Variants in LRRC37A observed in about 807,000 individuals in gnomAD.
LRRC37A encodes leucine rich repeat containing 37A.
In LRRC37A, 3 loss-of-function variants were observed where a neutral mutation model predicts 35.4. The observed-to-expected ratio is 0.08, with a 90% CI of 0.04 to 0.22. The LOEUF (loss-of-function observed/expected upper bound fraction) is 0.22. Among genes scored for constraint, LRRC37A ranks in the 10% least tolerant of loss-of-function variants. The pLI, the probability that LRRC37A is intolerant of heterozygous loss-of-function variation, is 1.00. For synonymous variants in LRRC37A, 23 were observed against 215.0 expected (o/e 0.11, Z 7.81); for missense variants, 67 against 565.3 (o/e 0.12, Z 8.94).
chr17:46,278,510 T>C, the LRRC37A span, among the ~76,000 whole-genome samples: 1 of 151,814 alleles, frequency 6.6e-6, no homozygotes, highest in African/African-American at 2.4e-5. Context: ...GTTCAAGCGA[T>C]TTTCCACCTC....
At chr17:46,251,642 A>C in the LRRC37A span, among the ~76,000 whole-genome samples, 1 of 151,248 alleles carries the variant, frequency 6.6e-6, no homozygotes, top group South Asian at 2.1e-4. Flanking sequence ...AAGGTGAAGA[A>C]ATTGCCATAA....
At chr17:46,276,452 TAA>T in the LRRC37A span, among the ~76,000 whole-genome samples, 1 of 152,196 alleles carries the variant, frequency 6.6e-6, no homozygotes, top group African/African-American at 2.4e-5. Flanking sequence ...CAAGGTACAA[TAA>T]AACAGTGACC....
At chr17:46,267,118 G>C in the LRRC37A span, 4 of 459,788 alleles carry the variant, frequency 8.7e-6, no homozygotes, top group Non-Finnish European at 3.7e-6. Flanking sequence ...GGGCGGGCAT[G>C]GACGGGCGAG....
chr17:46,264,962 A>C, the LRRC37A span, among the ~76,000 whole-genome samples: 2 of 152,274 alleles, frequency 1.3e-5, no homozygotes, highest in African/African-American at 4.8e-5. Context: ...TGACTTAAAT[A>C]AAGAGCACGT....
chr17:46,288,647 G>A (rs1248113865), upstream of LRRC37A, among the ~76,000 whole-genome samples: 14 of 151,802 alleles, frequency 9.2e-5, no homozygotes, highest in Non-Finnish European at 1.6e-4. Flanking sequence ...AGGACGACCA[G>A]AGGTCACTTT....
the LRRC37A span, among the ~76,000 whole-genome samples, chr17:46,251,541 A>G: frequency 6.6e-6 from 1 of 151,758 alleles, no homozygotes; most frequent in South Asian, 2.1e-4. Context: ...TACAGGTGTG[A>G]GCCACCTCAC....
chr17:46,257,800 C>T, the LRRC37A span, among the ~76,000 whole-genome samples: 18,849 of 144,120 alleles, frequency 0.13, 131 homozygotes, highest in Middle Eastern at 0.2. Context: ...CCAGCCTAGG[C>T]GACAGAGTGA....
chr17:46,265,668 G>A, the LRRC37A span, among the ~76,000 whole-genome samples: 1 of 151,896 alleles, frequency 6.6e-6, no homozygotes, highest in African/African-American at 2.4e-5. Flanking sequence ...TGTAGAGACA[G>A]GGTCTCTCCA....
the LRRC37A span, among the ~76,000 whole-genome samples, chr17:46,258,273 C>T: frequency 1.1e-4 from 17 of 151,594 alleles, no homozygotes; most frequent in African/African-American, 2.4e-4. Context: ...TGCAGCGGCA[C>T]GATCCCAGCT....
the LRRC37A span, among the ~76,000 whole-genome samples, chr17:46,265,116 GT>G: frequency 0.11 from 15,934 of 144,994 alleles, 15 homozygotes; most frequent in Middle Eastern, 0.18. Flanking sequence ...GGCTGTAGAG[GT>G]TTGCTCTTTT....
At chr17:46,265,029 A>G in the LRRC37A span, among the ~76,000 whole-genome samples, 3 of 152,214 alleles carry the variant, frequency 2.0e-5, no homozygotes, top group African/African-American at 7.2e-5. Context: ...TGAACTTACT[A>G]GTGTTTATAT....
intron 5 of LRRC37A, among the ~76,000 whole-genome samples, chr17:46,317,141 G>A (rs1390738559): frequency 1.5e-3 from 129 of 87,006 alleles, no homozygotes; most frequent in Non-Finnish European, 2.9e-3. Context: ...CCTCCCAGAT[G>A]GGGTGGCGGC....
upstream of LRRC37A, among the ~76,000 whole-genome samples, chr17:46,288,706 C>CTTTTTTCTTT (rs2049986456): frequency 2.9e-5 from 4 of 139,060 alleles, no homozygotes; most frequent in Non-Finnish European, 6.3e-5. Context: ...CTTGTTTTTT[C>CTTTTTTCTTT]TTTTTTTTTT....
chr17:46,254,827 C>G, the LRRC37A span, among the ~76,000 whole-genome samples: 1 of 151,616 alleles, frequency 6.6e-6, no homozygotes, highest in South Asian at 2.1e-4. Context: ...CATAAGCCAC[C>G]GCGCCTGTTT....
the LRRC37A span, chr17:46,268,448 C>T: frequency 2.5e-6 from 3 of 1,216,476 alleles, no homozygotes; most frequent in Non-Finnish European, 3.2e-6. Context: ...CTTATATTTT[C>T]TGTTTCATGG....
At chr17:46,248,872 C>T in the LRRC37A span, among the ~76,000 whole-genome samples, 1 of 151,878 alleles carries the variant, frequency 6.6e-6, no homozygotes, top group African/African-American at 2.4e-5. Context: ...TTGCTGCACC[C>T]ATCACTACAG....
At chr17:46,317,126 G>A (rs1296407755) in intron 5 of LRRC37A, among the ~76,000 whole-genome samples, 1 of 88,626 alleles carries the variant, frequency 1.1e-5, no homozygotes, top group Non-Finnish European at 3.3e-5. Context: ...GAGCTGTTGG[G>A]TACACCTCCC....
the LRRC37A span, among the ~76,000 whole-genome samples, chr17:46,282,437 C>G: frequency 1.3e-5 from 2 of 148,898 alleles, no homozygotes; most frequent in African/African-American, 4.9e-5. Flanking sequence ...TTTAAACAGG[C>G]AAGTTCTTGC....
the LRRC37A span, among the ~76,000 whole-genome samples, chr17:46,263,372 G>A: frequency 1.3e-5 from 2 of 152,034 alleles, no homozygotes; most frequent in African/African-American, 4.8e-5. Context: ...CCAACATGGT[G>A]AAACCCCGTC....
Sources: allele counts gnomAD v4.1 joint callset (sites outside exome capture counted in the v4.1 genomes callset), GRCh38; gene constraint gnomAD v4.1.1; transcripts MANE v1.5; gene names NCBI Gene and HGNC (gene_info 2026-07-23, HGNC 2026-07-21).